Variants in ATG16L1 observed in about 807,000 individuals in gnomAD.
ATG16L1 encodes the protein autophagy related 16 like 1, also known as autophagy-related protein 16-1.
ATG16L1 carries 37 observed loss-of-function variants against 88.5 expected under a neutral mutation model. The observed-to-expected ratio is 0.42, with a 90% CI of 0.32 to 0.55. ATG16L1 has a LOEUF of 0.55. ATG16L1 is among the 20% of genes least tolerant of loss of function. The probability of loss-of-function intolerance (pLI) is 0.13; values close to 1 mark genes in which losing one functional copy is unlikely to be tolerated. For synonymous variants in ATG16L1, 301 were observed against 281.0 expected (o/e 1.07, Z -0.71); for missense variants, 554 against 752.8 (o/e 0.74, Z 3.09).
At chr2:233,257,626 T>G (rs908335442) in intron 2 of ATG16L1, among the ~76,000 whole-genome samples, 2 of 152,196 alleles carry the variant, frequency 1.3e-5, no homozygotes, top group Non-Finnish European at 1.5e-5. Flanking sequence ...CCTCAGTAAG[T>G]AGAGGAACAT....
intron 8 of ATG16L1, chr2:233,274,374 A>G (rs1698201302): frequency 2.3e-6 from 1 of 432,742 alleles, no homozygotes; most frequent in Non-Finnish European, 4.1e-6. Context: ...AAGTTGAGAA[A>G]GTTTCCCAGC....
chr2:233,253,026 C>T (rs1444835752), intron 1 of ATG16L1, among the ~76,000 whole-genome samples: 2 of 152,140 alleles, frequency 1.3e-5, no homozygotes, highest in African/African-American at 4.8e-5. Context: ...AAATCCCAAG[C>T]CACACCCCAG....
chr2:233,256,932 C>G (rs1696826168), intron 2 of ATG16L1, among the ~76,000 whole-genome samples: 1 of 152,254 alleles, frequency 6.6e-6, no homozygotes, highest in African/African-American at 2.4e-5. Flanking sequence ...GAACTCTTGA[C>G]CTCAAATGAT....
intron 1 of ATG16L1, 82 bp from the exon 2 acceptor site, chr2:233,256,020 C>T: frequency 9.0e-7 from 1 of 1,107,642 alleles, no homozygotes; most frequent in South Asian, 1.3e-5. Context: ...TTGCATCCTT[C>T]AATACATGAC....
intron 2 of ATG16L1, 76 bp from the exon 3 acceptor site, chr2:233,263,054 T>A: frequency 6.4e-6 from 8 of 1,251,350 alleles, no homozygotes; most frequent in Non-Finnish European, 9.2e-6. Context: ...ATTGCCTAAT[T>A]GGAAAGGTTT....
intron 6 of ATG16L1, 64 bp downstream of exon 6, chr2:233,270,131 TTTTA>T: frequency 6.7e-7 from 1 of 1,489,214 alleles, no homozygotes; most frequent in Non-Finnish European, 9.0e-7. Context: ...AAAGTTTTGT[TTTTA>T]TTTTTTTTTT....
chr2:233,263,953 A>C, intron 3 of ATG16L1, 39 bp from the exon 4 acceptor site: 1 of 1,605,996 alleles, frequency 6.2e-7, no homozygotes, highest in South Asian at 1.1e-5. Context: ...TGAGGTCCTA[A>C]AATTTTTATT....
chr2:233,281,226 C>A lies in ATG16L1; in HGVS notation c.1131+51C>A, dbSNP rs147955017. The A allele has an allele frequency of 1.3e-5, 17 of 1,341,788 alleles. No individual in the cohort carries two copies. In the African/African-American group the frequency reaches 2.5e-4, roughly 20 times the overall value. 83.1% of individuals were successfully genotyped at this position (1,341,788 alleles called of 1,614,324 possible). A position where few individuals can be genotyped will look rare whatever the true frequency, so the allele number is the denominator to read the frequency against. On this transcript the variant is annotated intron_variant, in intron 11 of 17. Transcript: ENST00000392017. ...AAAGGTTTTTAGAAATAATTTAAGA[C>A]ATTAGGTTCTTGAAATTATAACATA... is the stretch of plus-strand genomic sequence containing the variant.
chr2:233,267,788 G>T (rs1018800290), intron 5 of ATG16L1, among the ~76,000 whole-genome samples: 5 of 152,136 alleles, frequency 3.3e-5, no homozygotes, highest in Non-Finnish European at 5.9e-5. Flanking sequence ...GTGATGCCAA[G>T]GAAGAGCCCC....
At position 233,287,151 on chromosome 2, in the gene ATG16L1, C is replaced by T. The variant is rs189291213; in HGVS notation, c.1204-2703C>T. Among the ~76,000 whole-genome samples the T allele has an allele frequency of 3.0e-4, 45 of 152,192 alleles. 1 individual carries two copies. The East Asian group carries it at 5.0e-3, about 17-fold the overall frequency. On this transcript the variant is annotated intron_variant, in intron 12 of 17. Transcript: ENST00000392017. ...TTGATCCCATTCATCTTGCTGAGTC[C>T]GTACTAAGATAGCACAAGGATGTTT...
rs774688806 is a variant in ATG16L1 at position 233,282,714 on chromosome 2, T to G, written c.1164T>G (p.Phe388Leu). ...ACCTCTTAGCAGCTTCAAATGATTTTGCAAGCCGAATCTGGACTGTGGATG... is the reference window on the plus strand; with the variant it reads ...ACCTCTTAGCAGCTTCAAATGATTTGGCAAGCCGAATCTGGACTGTGGATG... Reference protein sequence around the residue: ...GSYLLAASNDFASRIWTVDDY... With the variant: ...GSYLLAASNDLASRIWTVDDY... Residue 388 changes from phenylalanine to leucine, a missense_variant, in exon 12 of 18, where the codon TTT (phenylalanine) becomes TTG (leucine). Phe to Leu is a conservative substitution (Grantham distance 22). Coordinates refer to ENST00000392017, the MANE Select transcript of ATG16L1 (RefSeq NM_030803.7). The G allele has an allele frequency of 6.2e-7, 1 of 1,614,182 alleles. No individual in the cohort carries two copies. The highest frequency in any genetic ancestry group is 8.5e-7 in the Non-Finnish European group (1 of 1,180,014).
intron 10 of ATG16L1, among the ~76,000 whole-genome samples, chr2:233,280,733 T>G (rs183399400): frequency 1.2e-3 from 185 of 152,368 alleles, no homozygotes; most frequent in Non-Finnish European, 1.9e-3. Context: ...TTTATGTATG[T>G]AAGTTTTTAA....
intron 10 of ATG16L1, among the ~76,000 whole-genome samples, chr2:233,278,437 T>A (rs1574880837): frequency 6.6e-6 from 1 of 152,346 alleles, no homozygotes; most frequent in East Asian, 1.9e-4. Context: ...ACACACATTA[T>A]CCCTGTCGAG....
At chr2:233,291,653 G>A (rs1699470897) in intron 14 of ATG16L1, among the ~76,000 whole-genome samples, 1 of 152,106 alleles carries the variant, frequency 6.6e-6, no homozygotes, top group Non-Finnish European at 1.5e-5. Context: ...GCTCTGCCCT[G>A]GCTTTCCTGG....
intron 12 of ATG16L1, among the ~76,000 whole-genome samples, chr2:233,284,182 C>G (rs1698920930): frequency 6.6e-6 from 1 of 150,434 alleles, no homozygotes; most frequent in Non-Finnish European, 1.5e-5. Flanking sequence ...TGAGATGGAG[C>G]CTGTTGCCCA....
intron 10 of ATG16L1, among the ~76,000 whole-genome samples, chr2:233,280,583 A>T (rs1698657316): frequency 6.6e-6 from 1 of 152,220 alleles, no homozygotes; most frequent in Admixed American, 6.5e-5. Context: ...GGTATTCTAT[A>T]TGAGTAGTCA....
intron 9 of ATG16L1, 51 bp downstream of exon 9, chr2:233,274,829 C>A: frequency 7.2e-7 from 1 of 1,381,740 alleles, no homozygotes; most frequent in Non-Finnish European, 1.0e-6. Flanking sequence ...GGTGACAGAG[C>A]CTGGCAATTA....
intron 10 of ATG16L1, among the ~76,000 whole-genome samples, chr2:233,279,106 A>T (rs1698560516): frequency 6.6e-6 from 1 of 152,114 alleles, no homozygotes; most frequent in Non-Finnish European, 1.5e-5. Context: ...TGAGCCCAGG[A>T]GTGAGAGGCT....
At chr2:233,288,778 T>C (rs1250494701) in intron 12 of ATG16L1, 1 of 519,214 alleles carries the variant, frequency 1.9e-6, no homozygotes, top group Non-Finnish European at 3.8e-6. Flanking sequence ...AGTGCTGCGA[T>C]GGGCAGAAGG....
Sources: allele counts gnomAD v4.1 joint callset (sites outside exome capture counted in the v4.1 genomes callset), GRCh38; gene constraint gnomAD v4.1.1; transcripts MANE v1.5; gene names NCBI Gene and HGNC (gene_info 2026-07-23, HGNC 2026-07-21).